The following PI4KA variants were observed in gnomAD, a reference collection of about 807,000 sequenced individuals.
PI4KA encodes the protein phosphatidylinositol 4-kinase alpha, also known as PI4-kinase alpha.
Under a neutral mutation model 271.4 loss-of-function variants are expected in PI4KA, and 122 were observed. That is an observed-to-expected ratio of 0.45 (90% CI 0.39 to 0.52). PI4KA has a LOEUF of 0.52. Among genes scored for constraint, PI4KA ranks in the 20% least tolerant of loss-of-function variants. PI4KA has a pLI of 0.00. For missense variants in PI4KA, 1,969 were observed against 2,769.1 expected (o/e 0.71, Z 6.48); for synonymous variants, 1,041 against 1,078.8 (o/e 0.96, Z 0.69).
rs2147851193 is a variant in PI4KA, at chr22:20,858,708, G to C, written c.18C>G (p.Ala6=). 2.1e-6 allele frequency: 3 copies of C among 1,446,640 alleles called. No individual in the cohort carries two copies. Among genetic ancestry groups the C allele is most frequent in the South Asian group, 1.3e-5 (1 of 74,566 alleles). 89.6% of individuals were successfully genotyped at this position (1,446,640 alleles called of 1,614,324 possible). A position where few individuals can be genotyped will look rare whatever the true frequency, so the allele number is the denominator to read the frequency against. The change falls in exon 1 of 55, where the codon GCC becomes GCG. Residue 6 remains alanine, a synonymous_variant. Transcript: ENST00000255882. ...CTCCGCCTCCGCCTCCGCCTCCCCG[G>C]GCCGGGGCCGCCGCCATCACCTCAC... is the stretch of plus-strand genomic sequence containing the variant. MAAAP[A]RGGGGGGGGG...
chr22:20,810,508 CAAA>C (rs780553411), intron 9 of PI4KA, among the ~76,000 whole-genome samples: 1 of 115,134 alleles, frequency 8.7e-6, no homozygotes, highest in Non-Finnish European at 1.8e-5. Flanking sequence ...GACTCCATCT[CAAA>C]AAAAAAAAAA....
At chr22:20,825,267 A>G (rs1315742655) in intron 3 of PI4KA, among the ~76,000 whole-genome samples, 1 of 152,114 alleles carries the variant, frequency 6.6e-6, no homozygotes, top group Non-Finnish European at 1.5e-5. Flanking sequence ...TTGACCTTTT[A>G]GTAATGATGC....
At chr22:20,804,936 C>A in intron 11 of PI4KA, 38 bp downstream of exon 11, 2 of 1,532,796 alleles carry the variant, frequency 1.3e-6, no homozygotes, top group Non-Finnish European at 1.8e-6. Context: ...CTGGGTCATG[C>A]CTGGAGCTCA....
intron 23 of PI4KA, among the ~76,000 whole-genome samples, chr22:20,756,305 T>C (rs1259590517): frequency 6.6e-6 from 1 of 150,742 alleles, no homozygotes; most frequent in Non-Finnish European, 1.5e-5. Context: ...TCCGACGGGT[T>C]GCATTCCCAG....
chr22:20,843,091 C>A (rs1925788365), intron 1 of PI4KA, among the ~76,000 whole-genome samples: 1 of 131,844 alleles, frequency 7.6e-6, no homozygotes, highest in Non-Finnish European at 1.6e-5. Context: ...GAGCGAGACT[C>A]CGTCTCAAAA....
intron 1 of PI4KA, 57 bp from the exon 2 acceptor site, chr22:20,838,788 A>G: frequency 9.7e-7 from 1 of 1,033,150 alleles, no homozygotes; most frequent in Non-Finnish European, 1.5e-6. Flanking sequence ...CACATTCAAA[A>G]TAAAGCAAGC....
chr22:20,782,284 C>A (rs975203200), intron 19 of PI4KA, among the ~76,000 whole-genome samples: 1 of 152,178 alleles, frequency 6.6e-6, no homozygotes, highest in African/African-American at 2.4e-5. Context: ...GGTCAGTTGA[C>A]AATCTCCTAA....
intron 19 of PI4KA, chr22:20,780,045 T>C: frequency 1.2e-6 from 2 of 1,614,146 alleles, no homozygotes; most frequent in Non-Finnish European, 1.7e-6. Flanking sequence ...AGAGTATTAC[T>C]TTGCTGAGGC....
chr22:20,759,408 T>TC (rs1931720257), intron 23 of PI4KA, among the ~76,000 whole-genome samples: 1 of 138,244 alleles, frequency 7.2e-6, no homozygotes, highest in South Asian at 2.4e-4. Context: ...TTTTCTTTTT[T>TC]TTTTTTTTTT....
intron 19 of PI4KA, among the ~76,000 whole-genome samples, chr22:20,790,219 G>A (rs1934541247): frequency 2.6e-5 from 4 of 152,172 alleles, no homozygotes; most frequent in Non-Finnish European, 4.4e-5. Flanking sequence ...CAAAGTCACT[G>A]AGAACAGCTG....
chr22:20,857,370 T>C (rs774488323), intron 1 of PI4KA, among the ~76,000 whole-genome samples: 11 of 152,132 alleles, frequency 7.2e-5, no homozygotes, highest in Non-Finnish European at 1.5e-4. Flanking sequence ...TAAAATCAAA[T>C]ATGAGAACCG....
intron 3 of PI4KA, among the ~76,000 whole-genome samples, chr22:20,828,453 C>G (rs370274845): frequency 6.6e-6 from 1 of 152,116 alleles, no homozygotes; most frequent in Non-Finnish European, 1.5e-5. Flanking sequence ...GGGAATGCTT[C>G]GAGCTTTTGA....
At position 20,764,958 on chromosome 22, in the gene PI4KA, G is replaced by T. The variant is rs1429196713; in HGVS notation, c.2575-8C>A. Reference sequence around the variant, plus strand: ...GAGCTCACTCAGCTCAGCCTGGAGGGAGAGAAACATCCGAGGGCTCATGGG... The same window carrying T: ...GAGCTCACTCAGCTCAGCCTGGAGGTAGAGAAACATCCGAGGGCTCATGGG... On this transcript the variant is annotated splice_polypyrimidine_tract_variant and splice_region_variant and intron_variant, in intron 21 of 54. Coordinates refer to ENST00000255882, the MANE Select transcript of PI4KA (RefSeq NM_058004.4). 3.1e-6 allele frequency: 5 copies of T among 1,601,130 alleles called. No homozygotes were observed. The African/African-American group carries it at 4.0e-5, about 13-fold the overall frequency.
chr22:20,797,520 C>T (rs1363174718), intron 17 of PI4KA, among the ~76,000 whole-genome samples: 2 of 152,264 alleles, frequency 1.3e-5, no homozygotes, highest in East Asian at 3.9e-4. Flanking sequence ...GAAAGGAGAG[C>T]CTGACCCCAT....
rs764473246 is a variant in PI4KA, at chr22:20,790,739, CACAA to C, written c.2328+2450_2328+2453del. Among the ~76,000 whole-genome samples the C allele has an allele frequency of 3.5e-4, 46 of 133,272 alleles. No homozygotes were observed. In the East Asian group the frequency reaches 7.2e-3, roughly 21 times the overall value. 87.4% of individuals were successfully genotyped at this position (133,272 alleles called of 152,430 possible). The stretch of plus-strand genomic sequence containing the variant: ...ACACACACACACACACACACACACA[CACAA>C]CAAAAAAAACCACCTCTGGAAATTA... On this transcript the variant is annotated intron_variant, in intron 19 of 54. Coordinates refer to ENST00000255882, the MANE Select transcript of PI4KA (RefSeq NM_058004.4).
intron 19 of PI4KA, among the ~76,000 whole-genome samples, chr22:20,772,461 G>T (rs890170120): frequency 6.6e-6 from 1 of 152,236 alleles, no homozygotes; most frequent in South Asian, 2.1e-4. Context: ...ACTCAGTATT[G>T]TATGTGACAG....
chr22:20,790,752 A>C (rs573380629), intron 19 of PI4KA, among the ~76,000 whole-genome samples: 2 of 151,056 alleles, frequency 1.3e-5, no homozygotes, highest in Non-Finnish European at 3.0e-5. Context: ...AACAAAAAAA[A>C]CCACCTCTGG....
chr22:20,726,763 C>T (rs898608350), intron 41 of PI4KA, among the ~76,000 whole-genome samples: 1 of 152,222 alleles, frequency 6.6e-6, no homozygotes, highest in Non-Finnish European at 1.5e-5. Context: ...GGGCCTCGTG[C>T]TCCTCACTAG....
chr22:20,779,878 C>A, intron 19 of PI4KA: 1 of 1,614,210 alleles, frequency 6.2e-7, no homozygotes, highest in Non-Finnish European at 8.5e-7. Flanking sequence ...TTTGTTAATG[C>A]CAGCAGCAAG....
Sources: allele counts gnomAD v4.1 joint callset (sites outside exome capture counted in the v4.1 genomes callset), GRCh38; gene constraint gnomAD v4.1.1; transcripts MANE v1.5; gene names NCBI Gene and HGNC (gene_info 2026-07-23, HGNC 2026-07-21).